Variants in CSF3 observed in about 807,000 individuals in gnomAD.
CSF3 encodes granulocyte colony-stimulating factor.
CSF3 carries 17 observed loss-of-function variants against 20.2 expected under a neutral mutation model. The observed-to-expected ratio is 0.84, with a 90% CI of 0.58 to 1.26. CSF3 has a LOEUF of 1.26. Among genes scored for constraint, CSF3 ranks in the 50% most tolerant of loss-of-function variants. The pLI is 0.00. For synonymous variants in CSF3, 125 were observed against 115.3 expected (o/e 1.08, Z -0.54); for missense variants, 210 against 256.0 (o/e 0.82, Z 1.23).
chr17:40,015,980 AAGGGACTTGGGG>A, intron 2 of CSF3, 135 bp downstream of exon 2: 1 of 1,354,100 alleles, frequency 7.4e-7, no homozygotes, highest in Non-Finnish European at 9.9e-7. Flanking sequence ...GAAGGCTGGG[AAGGGACTTGGGG>A]AGGAGGACCT....
At chr17:40,015,560 G>C (rs1320560455) in intron 1 of CSF3, 46 bp downstream of exon 1, 1 of 1,550,272 alleles carries the variant, frequency 6.5e-7, no homozygotes, top group Non-Finnish European at 8.7e-7. Context: ...CCCTGGCATG[G>C]GAGGGAGGCT....
chr17:40,016,956 C>G lies in CSF3; in HGVS notation c.612C>G (p.Pro204=), dbSNP rs1266874754. Residue 204 remains proline, a synonymous_variant, in exon 5 of 5, where the codon CCC becomes CCG. Transcript: ENST00000394149. ...SYRVLRHLAQ[P] The stretch of plus-strand genomic sequence containing the variant: ...GCGTTCTACGCCACCTTGCCCAGCC[C>G]TGAGCCAAGCCCTCCCCATCCCATG... 2 of 1,572,478 alleles carry G rather than the reference C, an allele frequency of 1.3e-6. No individual in the cohort carries two copies. The highest frequency in any genetic ancestry group is 2.7e-5 in the African/African-American group (2 of 73,400).
At position 40,016,572 on chromosome 17, in the gene CSF3, C is replaced by T. The variant is rs987955582; in HGVS notation, c.391C>T (p.Pro131Ser). 6.2e-7 allele frequency: 1 copy of T among 1,614,170 alleles called. No homozygotes were observed. The highest frequency in any genetic ancestry group is 1.7e-5 in the Admixed American group (1 of 60,028). The change falls in exon 4 of 5, where the codon CCC becomes TCC. Residue 131 changes from proline (P) to serine (S), a missense_variant. Pro to Ser is a moderately conservative substitution (Grantham distance 74). Transcript: ENST00000394149. ...GGAAGGGATCTCCCCCGAGTTGGGT[C>T]CCACCTTGGACACACTGCAGCTGGA... ...ALEGISPELG[P>S]TLDTLQLDVA...
At chr17:40,016,688 C>T (rs1352353055) in intron 4 of CSF3, 57 bp downstream of exon 4, 29 of 1,610,610 alleles carry the variant, frequency 1.8e-5, no homozygotes, top group Non-Finnish European at 2.2e-5. Flanking sequence ...GCACCACAGC[C>T]AGGCCTGTGT....
At position 40,017,050 on chromosome 17, in the gene CSF3, A is replaced by C; in HGVS notation, c.*91A>C. On this transcript the variant is annotated 3_prime_UTR_variant, in exon 5 of 5. Transcript: ENST00000394149. ...TTAAAGACAGGGAAGAGCAGAACGG[A>C]GCCCCAGGCCTCTGTGTCCTTCCCT... 1 of 1,270,338 alleles carries C rather than the reference A, an allele frequency of 7.9e-7. No individual in the cohort carries two copies. The highest frequency in any genetic ancestry group is 1.1e-6 in the Non-Finnish European group (1 of 948,164). 78.7% of individuals were successfully genotyped at this position (1,270,338 alleles called of 1,614,324 possible).
At chr17:40,015,991 G>A in intron 2 of CSF3, 146 bp downstream of exon 2, 2 of 1,262,208 alleles carry the variant, frequency 1.6e-6, no homozygotes, top group Admixed American at 2.7e-5. Context: ...AGGGACTTGG[G>A]GAGGAGGACC....
Position 40,017,278 on chromosome 17 carries a change from C to A in CSF3, c.*319C>A. 4.8e-6 allele frequency: 1 copy of A among 206,274 alleles called. No individual in the cohort carries two copies. The highest frequency in any genetic ancestry group is 9.6e-6 in the Non-Finnish European group (1 of 103,640). The allele number at this position is 206,274 out of a possible 1,614,324, so 12.8% of individuals were successfully genotyped here. On this transcript the variant is annotated 3_prime_UTR_variant, in exon 5 of 5. Transcript: ENST00000394149. The stretch of plus-strand genomic sequence containing the variant: ...CCCCACCTGGGACCCTTGAGAGTAT[C>A]AGGTCTCCCACGTGGGAGACAAGAA...
rs866741939 is a variant in CSF3, at chr17:40,015,678, G to C, written c.41-13G>C. 2.5e-6 allele frequency: 4 copies of C among 1,572,206 alleles called. No individual in the cohort carries two copies. The highest frequency in any genetic ancestry group is 3.5e-6 in the Non-Finnish European group (4 of 1,156,096). On this transcript the variant is annotated splice_polypyrimidine_tract_variant and intron_variant, in intron 1 of 4. Transcript: ENST00000394149. ...AGGGAACAGCATGTCTCCTGAGCCCGCTCTGTCCCCAGCCCTGCAGCTGCT... is the reference window on the plus strand; with the variant it reads ...AGGGAACAGCATGTCTCCTGAGCCCCCTCTGTCCCCAGCCCTGCAGCTGCT...
Position 40,017,649 on chromosome 17 carries a change from C to G in CSF3, c.*690C>G, listed in dbSNP as rs1042658. 2 of 151,964 alleles carry G rather than the reference C, an allele frequency of 1.3e-5. No homozygotes were observed. The highest frequency in any genetic ancestry group is 1.3e-4 in the Admixed American group (2 of 15,268). 9.4% of individuals were successfully genotyped at this position (151,964 alleles called of 1,614,324 possible). Reference sequence around the variant, plus strand: ...GTGCCTGGACATTTGCCTTGCTGGACGGGGACTGGGGATGTGGGAGGGAGC... The same window carrying G: ...GTGCCTGGACATTTGCCTTGCTGGAGGGGGACTGGGGATGTGGGAGGGAGC... On this transcript the variant is annotated 3_prime_UTR_variant, in exon 5 of 5. Coordinates refer to ENST00000394149, the MANE Select transcript of CSF3 (RefSeq NM_172219.3).
Position 40,016,980 on chromosome 17 carries a change from T to A in CSF3, c.*21T>A. On this transcript the variant is annotated 3_prime_UTR_variant, in exon 5 of 5. Transcript: ENST00000394149. ...CCTGAGCCAAGCCCTCCCCATCCCA[T>A]GTATTTATCTCTATTTAATATTTAT... is the stretch of plus-strand genomic sequence containing the variant. 6.5e-7 allele frequency: 1 copy of A among 1,532,590 alleles called. No homozygotes were observed. The highest frequency in any genetic ancestry group is 8.8e-7 in the Non-Finnish European group (1 of 1,141,684). 94.9% of individuals were successfully genotyped at this position (1,532,590 alleles called of 1,614,324 possible).
In CSF3 at chr17:40,015,493, C is replaced by G. The variant is rs1487619917; in HGVS notation, c.19C>G (p.Gln7Glu). Residue 7 changes from glutamine (Q) to glutamate (E), a missense_variant, in exon 1 of 5, where the codon CAG becomes GAG. Physicochemically the swap from Gln to Glu is conservative, Grantham distance 29. Coordinates refer to ENST00000394149, the MANE Select transcript of CSF3 (RefSeq NM_172219.3). ...CAGACCCATGGCTGGACCTGCCACC[C>G]AGAGCCCCATGAAGCTGATGGGTGA... MAGPAT[Q>E]SPMKLMALQL... 3 of 1,551,450 alleles carry G rather than the reference C, an allele frequency of 1.9e-6. No homozygotes were observed. The highest frequency in any genetic ancestry group is 2.6e-6 in the Non-Finnish European group (3 of 1,146,986).
At position 40,016,284 on chromosome 17, in the gene CSF3, T is replaced by A. The variant is rs1981380418; in HGVS notation, c.247T>A (p.Ser83Thr). 6.3e-7 allele frequency: 1 copy of A among 1,594,910 alleles called. No individual in the cohort carries two copies. Among genetic ancestry groups the A allele is most frequent in the Non-Finnish European group, 8.5e-7 (1 of 1,170,968 alleles). The change falls in exon 3 of 5, where the codon TCT becomes ACT. Residue 83 changes from serine to threonine, a missense_variant. Ser to Thr is a moderately conservative substitution (Grantham distance 58). Transcript: ENST00000394149. ...CGAGGAGCTGGTGCTGCTCGGACACTCTCTGGGCATCCCCTGGGCTCCCCT... is the reference window on the plus strand; with the variant it reads ...CGAGGAGCTGGTGCTGCTCGGACACACTCTGGGCATCCCCTGGGCTCCCCT... ...HPEELVLLGH[S>T]LGIPWAPLSS... is the part of the protein sequence containing the mutation.
intron 2 of CSF3, 134 bp from the exon 3 acceptor site, chr17:40,016,099 G>A: frequency 1.2e-6 from 1 of 818,866 alleles, no homozygotes; most frequent in South Asian, 1.8e-5. Context: ...AGAGAGTGGG[G>A]GTGCAGGGCA....
At position 40,016,857 on chromosome 17, in the gene CSF3, C is replaced by T. The variant is rs1018373215; in HGVS notation, c.513C>T (p.Ala171=). The change falls in exon 5 of 5, where the codon GCC becomes GCT. Residue 171 remains alanine, a synonymous_variant. Coordinates refer to ENST00000394149, the MANE Select transcript of CSF3 (RefSeq NM_172219.3). The part of the protein sequence containing the change: ...QPTQGAMPAF[A]SAFQRRAGGV... ...CCCAGGGTGCCATGCCGGCCTTCGCCTCTGCTTTCCAGCGCCGGGCAGGAG... is the reference window on the plus strand; with the variant it reads ...CCCAGGGTGCCATGCCGGCCTTCGCTTCTGCTTTCCAGCGCCGGGCAGGAG... 7.4e-6 allele frequency: 12 copies of T among 1,613,454 alleles called. 1 individual carries two copies. Among genetic ancestry groups the T allele is most frequent in the Middle Eastern group, 3.6e-4 (2 of 5,624 alleles).
At chr17:40,016,749 G>A (rs781678207) in intron 4 of CSF3, 46 bp from the exon 5 acceptor site, 12 of 1,612,640 alleles carry the variant, frequency 7.4e-6, no homozygotes, top group Admixed American at 5.0e-5. Context: ...TTGTAATAAC[G>A]CCCACTCAGA....
At chr17:40,015,545 G>A (rs773869291) in intron 1 of CSF3, 31 bp downstream of exon 1, 125 of 1,550,504 alleles carry the variant, frequency 8.1e-5, no homozygotes, top group Non-Finnish European at 1.0e-4. Context: ...TGGGAGAGCC[G>A]CCTGCCCTGG....
Position 40,016,936 on chromosome 17 carries a change from C to A in CSF3, c.592C>A (p.Leu198Ile). Residue 198 changes from leucine to isoleucine, a missense_variant, in exon 5 of 5, where the codon CTA becomes ATA. Transcript: ENST00000394149. ...QSFLEVSYRVLRHLAQP is the reference protein window; with the variant it reads ...QSFLEVSYRVIRHLAQP ...CTTCCTGGAGGTGTCGTACCGCGTT[C>A]TACGCCACCTTGCCCAGCCCTGAGC... is the stretch of plus-strand genomic sequence containing the variant. 1 of 1,603,028 alleles carries A rather than the reference C, an allele frequency of 6.2e-7. No homozygotes were observed. Among genetic ancestry groups the A allele is most frequent in the Non-Finnish European group, 8.5e-7 (1 of 1,173,718 alleles).
chr17:40,016,837 G>A lies in CSF3; in HGVS notation c.493G>A (p.Gly165Ser). 1 of 1,613,284 alleles carries A rather than the reference G, an allele frequency of 6.2e-7. No homozygotes were observed. The highest frequency in any genetic ancestry group is 8.5e-7 in the Non-Finnish European group (1 of 1,180,012). ...GGCCCCTGCCCTGCAGCCCACCCAGGGTGCCATGCCGGCCTTCGCCTCTGC... is the reference window on the plus strand; with the variant it reads ...GGCCCCTGCCCTGCAGCCCACCCAGAGTGCCATGCCGGCCTTCGCCTCTGC... ...GMAPALQPTQ[G>S]AMPAFASAFQ... Residue 165 changes from glycine to serine, a missense_variant, in exon 5 of 5, where the codon GGT (glycine) becomes AGT (serine). Coordinates refer to ENST00000394149, the MANE Select transcript of CSF3 (RefSeq NM_172219.3).
Position 40,015,466 on chromosome 17 carries a change from C to T in CSF3, c.-9C>T. On this transcript the variant is annotated 5_prime_UTR_variant, in exon 1 of 5. Transcript: ENST00000394149. ...GCCCGGAGCCTGCAGCCCAGCCCCA[C>T]CCAGACCCATGGCTGGACCTGCCAC... is the stretch of plus-strand genomic sequence containing the variant. The T allele has an allele frequency of 9.7e-6, 15 of 1,551,448 alleles. No individual in the cohort carries two copies. The highest frequency in any genetic ancestry group is 2.0e-5 in the Admixed American group (1 of 50,992).
Sources: gnomAD v4.1 joint callset for allele counts on GRCh38, gnomAD v4.1.1 for gene constraint, MANE v1.5 for transcripts, NCBI Gene and HGNC (gene_info 2026-07-23, HGNC 2026-07-21) for gene names.